The following GAREM2 variants were observed in gnomAD, a reference collection of about 807,000 sequenced individuals.
The protein encoded by GAREM2 is GRB2 associated regulator of MAPK1 subtype 2, also known as GRB2-associated and regulator of MAPK protein 2.
Under a neutral mutation model 55.6 loss-of-function variants are expected in GAREM2, and 30 were observed. The observed-to-expected ratio is 0.54, with a 90% confidence interval of 0.40 to 0.73. GAREM2 has a LOEUF of 0.73. Ranked by LOEUF, GAREM2 falls within the 30% of genes least tolerant of loss-of-function variation. The pLI, the probability that GAREM2 is intolerant of heterozygous loss-of-function variation, is 0.00. For synonymous variants in GAREM2, 550 were observed against 569.1 expected, an observed-to-expected ratio of 0.97 and a Z score of 0.48; for missense variants, 1,075 against 1,257.7, an observed-to-expected ratio of 0.85 and a Z score of 2.20.
At position 26,184,745 on chromosome 2, in the gene GAREM2, G is replaced by A; in HGVS notation, c.897G>A (p.Val299=). The A allele has an allele frequency of 6.6e-7, 1 of 1,512,310 alleles. No homozygotes were observed. The highest frequency in any genetic ancestry group is 8.8e-7 in the Non-Finnish European group (1 of 1,134,730). 93.7% of individuals were successfully genotyped at this position (1,512,310 alleles called of 1,614,324 possible). A position where few individuals can be genotyped will look rare whatever the true frequency, so the allele number is the denominator to read the frequency against. ...TGGTTAGCATCATCTCCAAGACGGT[G>A]GTGCTGGGGCTGGCGCTGCGCCGCG... ...YKLVSIISKT[V]VLGLALRREG... The change falls in exon 4 of 6, where the codon GTG becomes GTA. Residue 299 remains valine, a synonymous_variant. Coordinates refer to ENST00000401533, the MANE Select transcript of GAREM2 (RefSeq NM_001168241.2).
Position 26,176,480 on chromosome 2 carries a change from C to G in GAREM2, c.249C>G (p.Tyr83Ter). The G allele has an allele frequency of 6.5e-7, 1 of 1,543,962 alleles. No individual in the cohort carries two copies. Among genetic ancestry groups the G allele is most frequent in the Non-Finnish European group, 8.8e-7 (1 of 1,142,662 alleles). ...IGPKIDIPLQYPGKFKLLEQA... is the reference protein window; with the variant it reads ...IGPKIDIPLQ ...CCAAGATCGACATCCCCCTGCAGTA[C>G]CCAGGTGTGTCCAGCCAGGACAGAT... The change falls in exon 2 of 6, where the codon TAC becomes TAG. Residue 83 changes from tyrosine to a stop codon, truncating the protein, a stop_gained. Transcript: ENST00000401533. LOFTEE classifies it high-confidence loss of function.
At position 26,185,216 on chromosome 2, in the gene GAREM2, G is replaced by C. The variant is rs1407152078; in HGVS notation, c.1368G>C (p.Ala456=). 1 of 1,521,282 alleles carries C rather than the reference G, an allele frequency of 6.6e-7. No individual in the cohort carries two copies. The highest frequency in any genetic ancestry group is 2.6e-5 in the East Asian group (1 of 38,894). 94.2% of individuals were successfully genotyped at this position (1,521,282 alleles called of 1,614,324 possible). A position where few individuals can be genotyped will look rare whatever the true frequency, so the allele number is the denominator to read the frequency against. Residue 456 remains alanine, a synonymous_variant, in exon 4 of 6, where the codon GCG becomes GCC. Coordinates refer to ENST00000401533, the MANE Select transcript of GAREM2 (RefSeq NM_001168241.2). ...PGLDLISFGA[A]GPPRREPEAP... ...TCGATCTCATCTCCTTCGGGGCCGC[G>C]GGACCGCCGCGTCGGGAGCCGGAAG...
downstream of GAREM2, chr2:26,192,321 A>C (rs1455804390): frequency 1.3e-6 from 2 of 1,567,980 alleles, no homozygotes; most frequent in Admixed American, 3.3e-5. Context: ...CTTCAGACTT[A>C]GGAGGCAGCT....
rs1669302198 is a variant in GAREM2, at chr2:26,187,302, G to A, written c.1670G>A (p.Trp557Ter). The part of the protein sequence containing the change: ...TYSLYCYPCT[W>*]GDCKVGESSS... ...TCCCTCTATTGCTACCCATGCACCT[G>A]GGGAGACTGCAAGGTGGGCGAGTCC... The change falls in exon 6 of 6, where the codon TGG becomes TAG. Residue 557 changes from tryptophan (W) to a stop codon, truncating the protein, a stop_gained. Coordinates refer to ENST00000401533, the MANE Select transcript of GAREM2 (RefSeq NM_001168241.2). LOFTEE classifies it high-confidence loss of function. 1 of 1,515,042 alleles carries A rather than the reference G, an allele frequency of 6.6e-7. No individual in the cohort carries two copies. Among genetic ancestry groups the A allele is most frequent in the South Asian group, 1.3e-5 (1 of 78,878 alleles). The allele number at this position is 1,515,042 out of a possible 1,614,324, so 93.8% of individuals were successfully genotyped here. A position where few individuals can be genotyped will look rare whatever the true frequency, so the allele number is the denominator to read the frequency against.
the GAREM2 span, chr2:26,204,114 T>TA: frequency 6.2e-7 from 1 of 1,613,934 alleles, no homozygotes; most frequent in Non-Finnish European, 8.5e-7. Context: ...GTGGCATCTT[T>TA]AAGTATAGTC....
downstream of GAREM2, among the ~76,000 whole-genome samples, chr2:26,192,020 C>T (rs78674973): frequency 0.015 from 2,325 of 152,218 alleles, 55 homozygotes; most frequent in African/African-American, 0.051. Context: ...CTTCACCAGA[C>T]GTGGCCTGGT....
chr2:26,196,180 T>C, the GAREM2 span, among the ~76,000 whole-genome samples: 10 of 152,278 alleles, frequency 6.6e-5, no homozygotes, highest in African/African-American at 2.2e-4. Context: ...AAGAGGTTAG[T>C]AGTACAGAGT....
At chr2:26,194,632 G>T (rs1474848311), downstream of GAREM2, 1 of 1,607,318 alleles carries the variant, frequency 6.2e-7, no homozygotes, top group Non-Finnish European at 8.5e-7. Context: ...TAGAAGCCAG[G>T]TCCATCCTGC....
chr2:26,185,760 A>G (rs1361492040), intron 4 of GAREM2, among the ~76,000 whole-genome samples: 2 of 152,140 alleles, frequency 1.3e-5, no homozygotes, highest in East Asian at 3.9e-4. Context: ...ACCCGTCAGC[A>G]TCCCATGGAG....
chr2:26,176,575 G>T (rs1668873528), intron 2 of GAREM2, 91 bp downstream of exon 2: 3 of 1,207,416 alleles, frequency 2.5e-6, no homozygotes, highest in African/African-American at 1.6e-5. Context: ...GCTGGGACTA[G>T]CGAGGCGGTG....
the GAREM2 span, chr2:26,197,769 TG>T: frequency 6.7e-7 from 1 of 1,482,042 alleles, no homozygotes; most frequent in Non-Finnish European, 9.4e-7. Flanking sequence ...TACAGTGATC[TG>T]GAATCACCTG....
chr2:26,181,239 G>C (rs761346639), intron 2 of GAREM2: 79 of 656,852 alleles, frequency 1.2e-4, no homozygotes, highest in Non-Finnish European at 1.4e-4. Context: ...CCCAGTTGCT[G>C]TCTGCATCCC....
intron 3 of GAREM2, among the ~76,000 whole-genome samples, chr2:26,183,643 T>C (rs1008312446): frequency 2.0e-5 from 3 of 152,164 alleles, no homozygotes; most frequent in Admixed American, 2.0e-4. Context: ...GGAGGACTGT[T>C]GCCAGGAGTT....
At chr2:26,176,576 C>T (rs1007400397) in intron 2 of GAREM2, 92 bp downstream of exon 2, 9 of 1,198,598 alleles carry the variant, frequency 7.5e-6, no homozygotes, top group East Asian at 6.1e-5. Context: ...CTGGGACTAG[C>T]GAGGCGGTGA....
In GAREM2 at chr2:26,189,617, G is replaced by C. The variant is rs148240157; in HGVS notation, c.*1360G>C. 1.2e-4 allele frequency: 19 copies of C among 152,300 alleles called. No individual in the cohort carries two copies. Among genetic ancestry groups the C allele is most frequent in the African/African-American group, 4.1e-4 (17 of 41,554 alleles). The allele number at this position is 152,300 out of a possible 1,614,324, so 9.4% of individuals were successfully genotyped here. A position where few individuals can be genotyped will look rare whatever the true frequency, so the allele number is the denominator to read the frequency against. On this transcript the variant is annotated 3_prime_UTR_variant, in exon 6 of 6. Transcript: ENST00000401533. ...GCAGATCATTTAATGAATCCTCAAG[G>C]ACTAATGAAATAAATGCTAGACTGC...
chr2:26,201,079 CT>C, the GAREM2 span: 4 of 1,225,340 alleles, frequency 3.3e-6, no homozygotes, highest in South Asian at 1.2e-5. Context: ...CCTATAGCTC[CT>C]TTAAAAAAAA....
At chr2:26,177,785 C>T (rs1668909765) in intron 2 of GAREM2, among the ~76,000 whole-genome samples, 1 of 152,138 alleles carries the variant, frequency 6.6e-6, no homozygotes, top group African/African-American at 2.4e-5. Context: ...TGCCACCACT[C>T]TCTGCTAATT....
At chr2:26,198,064 A>G in the GAREM2 span, among the ~76,000 whole-genome samples, 1 of 152,188 alleles carries the variant, frequency 6.6e-6, no homozygotes, top group Non-Finnish European at 1.5e-5. Flanking sequence ...GGTCAATAAA[A>G]CAGCTTAGAA....
intron 3 of GAREM2, 39 bp downstream of exon 3, chr2:26,183,136 ACTC>A (rs1179338787): frequency 6.5e-7 from 1 of 1,543,518 alleles, no homozygotes; most frequent in East Asian, 2.5e-5. Flanking sequence ...TCCCCACACT[ACTC>A]CTTGCCTCAG....
Sources: gnomAD v4.1 joint callset for allele counts (sites outside exome capture counted in the v4.1 genomes callset) on GRCh38, gnomAD v4.1.1 for gene constraint, MANE v1.5 for transcripts, NCBI Gene and HGNC (gene_info 2026-07-23, HGNC 2026-07-21) for gene names.